Variants in ERCC4 observed in about 807,000 individuals in gnomAD.
The protein encoded by ERCC4 is ERCC excision repair 4, endonuclease catalytic subunit, also known as DNA repair endonuclease XPF.
Under a neutral mutation model 76.9 loss-of-function variants are expected in ERCC4, and 65 were observed. That is an observed-to-expected ratio of 0.84 (90% CI 0.69 to 1.04). The LOEUF (loss-of-function observed/expected upper bound fraction) is 1.04. Ranked by LOEUF, ERCC4 falls within the 50% of genes least tolerant of loss-of-function variation. ERCC4 has a pLI of 0.00. For synonymous variants in ERCC4, 463 were observed against 410.1 expected, an observed-to-expected ratio of 1.13 and a Z score of -1.56; for missense variants, 1,214 against 1,128.2, an observed-to-expected ratio of 1.08 and a Z score of -1.09.
chr16:13,923,479 A>G (rs1320345377), intron 2 of ERCC4, among the ~76,000 whole-genome samples: 1 of 152,238 alleles, frequency 6.6e-6, no homozygotes, highest in African/African-American at 2.4e-5. Context: ...CTCAAGAAAA[A>G]TTTGATAAAT....
rs10048099 is a variant in ERCC4 at position 13,930,641 on chromosome 16, G to T, written c.793-69G>T. 2,654 of 1,137,682 alleles carry T rather than the reference G, an allele frequency of 2.3e-3. 46 individuals are homozygous for T. In the African/African-American group the frequency reaches 0.033, roughly 14 times the overall value. The allele number at this position is 1,137,682 out of a possible 1,614,324, so 70.5% of individuals were successfully genotyped here. The stretch of plus-strand genomic sequence containing the variant: ...TACACAGGAAATAATCCTTTTGAAA[G>T]TATGATTTGTATTAAGAATAACTAT... On this transcript the variant is annotated intron_variant, in intron 4 of 10. Coordinates refer to ENST00000311895, the MANE Select transcript of ERCC4 (RefSeq NM_005236.3).
At chr16:13,945,961 G>A (rs1195070108) in intron 10 of ERCC4, among the ~76,000 whole-genome samples, 1 of 152,200 alleles carries the variant, frequency 6.6e-6, no homozygotes, top group African/African-American at 2.4e-5. Flanking sequence ...CAGTTCTGCA[G>A]GTTCAAAGTC....
intron 9 of ERCC4, among the ~76,000 whole-genome samples, chr16:13,940,216 G>A (rs553414390): frequency 6.6e-6 from 1 of 152,064 alleles, no homozygotes; most frequent in Admixed American, 6.5e-5. Context: ...GTGAAACCCT[G>A]CCTCTACTAA....
At position 13,921,987 on chromosome 16, in the gene ERCC4, G is replaced by T. The variant is rs750930128; in HGVS notation, c.208-44G>T. ...AAATATCTGTGACCTATTAAAAACT[G>T]CCCTGTATTAAATAGCCTACTAATC... On this transcript the variant is annotated intron_variant, in intron 1 of 10. Coordinates refer to ENST00000311895, the MANE Select transcript of ERCC4 (RefSeq NM_005236.3). 1.0e-5 allele frequency: 14 copies of T among 1,363,650 alleles called. No homozygotes were observed. The East Asian group carries it at 2.3e-4, about 23-fold the overall frequency. 84.5% of individuals were successfully genotyped at this position (1,363,650 alleles called of 1,614,324 possible).
In ERCC4 at chr16:13,947,766, G is replaced by A. The variant is rs1204895453; in HGVS notation, c.2170G>A (p.Val724Met). ...TTACATCCTCACTCCAGAAATGTGC[G>A]TGGAGCGCAAGAGTATCAGTGATTT... ...GDYILTPEMC[V>M]ERKSISDLIG... The change falls in exon 11 of 11, where the codon GTG (valine) becomes ATG (methionine). Residue 724 changes from valine to methionine, a missense_variant. Coordinates refer to ENST00000311895, the MANE Select transcript of ERCC4 (RefSeq NM_005236.3). The A allele has an allele frequency of 4.3e-6, 7 of 1,614,208 alleles. No homozygotes were observed. Among genetic ancestry groups the A allele is most frequent in the Non-Finnish European group, 5.9e-6 (7 of 1,180,032 alleles).
chr16:13,933,431 G>A (rs925707208), intron 6 of ERCC4: 7 of 153,292 alleles, frequency 4.6e-5, no homozygotes, highest in Admixed American at 2.0e-4. Flanking sequence ...AACTGAGGCC[G>A]GGCGCGGTGG....
At chr16:13,922,312 G>A in intron 2 of ERCC4, 101 bp downstream of exon 2, 1 of 894,328 alleles carries the variant, frequency 1.1e-6, no homozygotes, top group South Asian at 1.4e-5. Flanking sequence ...TCTGTCTTCA[G>A]TCTTGAAGGA....
At position 13,950,338 on chromosome 16, in the gene ERCC4, T is replaced by C. The variant is rs567966619; in HGVS notation, c.*1991T>C. The C allele has an allele frequency of 5.3e-6, 1 of 188,228 alleles. No individual in the cohort carries two copies. The highest frequency in any genetic ancestry group is 1.1e-5 in the Non-Finnish European group (1 of 89,438). The allele number at this position is 188,228 out of a possible 1,614,324, so 11.7% of individuals were successfully genotyped here. A position where few individuals can be genotyped will look rare whatever the true frequency, so the allele number is the denominator to read the frequency against. On this transcript the variant is annotated 3_prime_UTR_variant, in exon 11 of 11. Coordinates refer to ENST00000311895, the MANE Select transcript of ERCC4 (RefSeq NM_005236.3). ...CTTGATTTATTGGTACTTAACAGTA[T>C]ATATGGATTTTGAACTCTACACAAG...
intron 9 of ERCC4, among the ~76,000 whole-genome samples, chr16:13,940,895 C>G (rs1785739613): frequency 6.6e-6 from 1 of 152,310 alleles, no homozygotes; most frequent in South Asian, 2.1e-4. Context: ...TAATCCTTTC[C>G]TGCACAGCGT....
intron 9 of ERCC4, 57 bp from the exon 10 acceptor site, chr16:13,944,666 T>C: frequency 8.6e-7 from 1 of 1,165,132 alleles, no homozygotes. Context: ...TTACACACAA[T>C]AAAATCTAGA....
Position 13,935,670 on chromosome 16 carries a change from C to T in ERCC4, c.1738C>T (p.Leu580Phe). The T allele has an allele frequency of 1.2e-6, 2 of 1,614,104 alleles. No homozygotes were observed. Among genetic ancestry groups the T allele is most frequent in the Non-Finnish European group, 1.7e-6 (2 of 1,180,020 alleles). The change falls in exon 8 of 11, where the codon CTT becomes TTT. Residue 580 changes from leucine to phenylalanine, a missense_variant. Coordinates refer to ENST00000311895, the MANE Select transcript of ERCC4 (RefSeq NM_005236.3). ...TGAAGTGGAGCCAAGATACGTGGTT[C>T]TTTATGACGCAGAGCTAACCTTTGT... ...LHEVEPRYVV[L>F]YDAELTFVRQ...
chr16:13,922,524 G>A, intron 2 of ERCC4: 1 of 735,474 alleles, frequency 1.4e-6, no homozygotes, highest in South Asian at 1.4e-5. Context: ...CTTCAGAAAT[G>A]TCCCTGACTG....
chr16:13,927,978 C>T (rs780428055), intron 3 of ERCC4, 50 bp from the exon 4 acceptor site: 3 of 1,377,924 alleles, frequency 2.2e-6, no homozygotes, highest in South Asian at 1.2e-5. Context: ...ACCAGAAATA[C>T]ATAGCTGCTG....
intron 2 of ERCC4, among the ~76,000 whole-genome samples, chr16:13,926,031 A>C (rs1333459981): frequency 6.6e-6 from 1 of 152,208 alleles, no homozygotes; most frequent in Non-Finnish European, 1.5e-5. Flanking sequence ...TGATTCTGAA[A>C]ATTGAATTCA....
chr16:13,945,216 T>G (rs2032491575), intron 10 of ERCC4, among the ~76,000 whole-genome samples: 1 of 152,232 alleles, frequency 6.6e-6, no homozygotes, highest in South Asian at 2.1e-4. Context: ...TCAGAGTAGT[T>G]AAAGGAAGTT....
intron 10 of ERCC4, among the ~76,000 whole-genome samples, chr16:13,946,950 C>T (rs531391468): frequency 1.1e-4 from 16 of 152,154 alleles, no homozygotes; most frequent in African/African-American, 3.1e-4. Context: ...TTTGTAGAGA[C>T]GGGGTTTCAC....
At chr16:13,942,769 A>T (rs1465332508) in intron 9 of ERCC4, among the ~76,000 whole-genome samples, 1 of 152,254 alleles carries the variant, frequency 6.6e-6, no homozygotes, top group East Asian at 1.9e-4. Flanking sequence ...TAATCAGGAA[A>T]TTGGGATGAT....
intron 9 of ERCC4, among the ~76,000 whole-genome samples, chr16:13,940,749 G>C (rs1351434268): frequency 6.6e-6 from 1 of 152,204 alleles, no homozygotes; most frequent in Non-Finnish European, 1.5e-5. Flanking sequence ...AAGGCCTCAG[G>C]CATATAAAAA....
intron 1 of ERCC4, 65 bp downstream of exon 1, chr16:13,920,437 C>CGA: frequency 7.2e-7 from 1 of 1,390,448 alleles, no homozygotes. Context: ...TGAGCGGATG[C>CGA]GAGGCCTCTG....
Sources: gnomAD v4.1 joint callset for allele counts (sites outside exome capture counted in the v4.1 genomes callset) on GRCh38, gnomAD v4.1.1 for gene constraint, MANE v1.5 for transcripts, NCBI Gene and HGNC (gene_info 2026-07-23, HGNC 2026-07-21) for gene names.